Variants in PGAP6 observed in about 807,000 individuals in gnomAD.
PGAP6 encodes post-GPI attachment to proteins factor 6.
Under a neutral mutation model 68.4 loss-of-function variants are expected in PGAP6, and 62 were observed. The ratio of observed to expected loss-of-function variants is 0.91; its 90% CI spans 0.74 to 1.12. PGAP6 has a LOEUF of 1.12. Among genes scored for constraint, PGAP6 ranks in the 50% most tolerant of loss-of-function variants. The pLI is 0.00. For missense variants in PGAP6, 1,188 were observed against 1,068.5 expected (o/e 1.11, Z -1.56); for synonymous variants, 575 against 474.0 (o/e 1.21, Z -2.77).
chr16:372,557 A>G, intron 12 of PGAP6, 54 bp downstream of exon 12: 1 of 1,396,390 alleles, frequency 7.2e-7, no homozygotes, highest in Non-Finnish European at 1.0e-6. Context: ...GCAAGGGGCC[A>G]GGCTCTCTTC....
At position 375,397 on chromosome 16, in the gene PGAP6, C is replaced by T; in HGVS notation, c.1263G>A (p.Val421=). The T allele has an allele frequency of 6.2e-7, 1 of 1,612,944 alleles. No individual in the cohort carries two copies. The highest frequency in any genetic ancestry group is 8.5e-7 in the Non-Finnish European group (1 of 1,179,974). The change falls in exon 7 of 13, where the codon GTG becomes GTA. Residue 421 remains valine, a synonymous_variant. Transcript: ENST00000431232. ...AGCCAAGGAAGGGCGAGGCAGCATT[C>T]ACGCAGGCCACTACGACGGTCTCGT... ...MRNETVVVAC[V]NAASPFLGFN... is the part of the protein sequence containing the mutation.
Position 378,425 on chromosome 16 carries a change from C to A in PGAP6, c.122-577G>T, listed in dbSNP as rs78293508. 1.2e-3 allele frequency among the ~76,000 whole-genome samples: 69 copies of A among 59,590 alleles called. 10 individuals carry two copies. Among genetic ancestry groups the A allele is most frequent in the Non-Finnish European group, 1.6e-3 (45 of 28,778 alleles). The allele number at this position is 59,590 out of a possible 152,430, so 39.1% of individuals were successfully genotyped here. The stretch of plus-strand genomic sequence containing the variant: ...ACCCGCACTGCCATCGCCACCCACA[C>A]TGCCATCCCCACCCGCACTGCCATC... On this transcript the variant is annotated intron_variant, in intron 1 of 12. Transcript: ENST00000431232.
upstream of PGAP6, chr16:382,506 C>T (rs758484351): frequency 7.7e-5 from 28 of 361,526 alleles, no homozygotes; most frequent in Non-Finnish European, 1.3e-4. Flanking sequence ...CTTTTATGCA[C>T]AGACGAGAAG....
In PGAP6 at chr16:375,204, G is replaced by A; in HGVS notation, c.1368C>T (p.Asn456=). 1 of 1,613,424 alleles carries A rather than the reference G, an allele frequency of 6.2e-7. No homozygotes were observed. Among genetic ancestry groups the A allele is most frequent in the Non-Finnish European group, 8.5e-7 (1 of 1,179,974 alleles). Residue 456 remains asparagine, a synonymous_variant, in exon 8 of 13, where the codon AAC becomes AAT. Transcript: ENST00000431232. ...CTGTCTCTGGGTAGGGGATGATGAG[G>A]TTGGCCCTGCGAGACCAGGCGCTCA... ...LSLSAWSRRA[N]LIIPYPETDN...
In PGAP6 at chr16:380,904, C is replaced by A. The variant is rs2054431567; in HGVS notation, c.121+797G>T. ...GGACGTGTGGGAACTTCCAGCCGGCCAGAAAGGACACGGCCCCTCCAGAGT... is the reference window on the plus strand; with the variant it reads ...GGACGTGTGGGAACTTCCAGCCGGCAAGAAAGGACACGGCCCCTCCAGAGT... On this transcript the variant is annotated intron_variant, in intron 1 of 12. Coordinates refer to ENST00000431232, the MANE Select transcript of PGAP6 (RefSeq NM_021259.3). Among the ~76,000 whole-genome samples the A allele has an allele frequency of 3.9e-5, 6 of 152,324 alleles. No homozygotes were observed. The South Asian group carries it at 1.2e-3, about 32-fold the overall frequency.
At chr16:384,652 G>A (rs1206039967), upstream of PGAP6, among the ~76,000 whole-genome samples, 2 of 151,884 alleles carry the variant, frequency 1.3e-5, no homozygotes, top group Admixed American at 6.6e-5. Context: ...TCAGGAGATC[G>A]AGACCATCCT....
chr16:376,466 G>A lies in PGAP6; in HGVS notation c.905-11C>T, dbSNP rs2141760503. ...TCCGTGGCCTGCAAGCTGCCGAGAG[G>A]ACAAGGGGTTTGGCTGGAGGAAAGT... On this transcript the variant is annotated splice_polypyrimidine_tract_variant and intron_variant, in intron 5 of 12. Transcript: ENST00000431232. The A allele has an allele frequency of 2.6e-6, 4 of 1,556,492 alleles. No individual in the cohort carries two copies. Among genetic ancestry groups the A allele is most frequent in the East Asian group, 2.3e-5 (1 of 44,366 alleles).
At chr16:372,481 T>A in intron 12 of PGAP6, 130 bp downstream of exon 12, 2 of 969,766 alleles carry the variant, frequency 2.1e-6, no homozygotes, top group Non-Finnish European at 3.2e-6. Flanking sequence ...CCTCTGTGGG[T>A]GCCATGGCAA....
At position 374,888 on chromosome 16, in the gene PGAP6, A is replaced by G; in HGVS notation, c.1444T>C (p.Cys482Arg). The G allele has an allele frequency of 1.9e-6, 3 of 1,612,766 alleles. No homozygotes were observed. Among genetic ancestry groups the G allele is most frequent in the South Asian group, 1.1e-5 (1 of 91,076 alleles). ...QLMCPENAEDCEQAVVHVETT... is the reference protein window; with the variant it reads ...QLMCPENAEDREQAVVHVETT... Reference sequence around the variant, plus strand: ...TCCACGTGGACCACAGCCTGCTCACAGTCCCTTTGAGGAAGGGGCCACAGG... The same window carrying G: ...TCCACGTGGACCACAGCCTGCTCACGGTCCCTTTGAGGAAGGGGCCACAGG... The change falls in exon 9 of 13, where the codon TGT becomes CGT. Residue 482 changes from cysteine (C) to arginine (R), a missense_variant. By Grantham distance (180) the Cys-to-Arg change is radical. Coordinates refer to ENST00000431232, the MANE Select transcript of PGAP6 (RefSeq NM_021259.3).
upstream of PGAP6, chr16:382,065 GGGGAGGGGTCACGTGGGGCGCCGGTA>G: frequency 2.3e-6 from 1 of 439,690 alleles, no homozygotes; most frequent in Admixed American, 5.2e-5. Flanking sequence ...CGGACGCCGG[GGGGAGGGGTCACGTGGGGCGCCGGTA>G]GGGGGGAGGG....
At chr16:382,153 C>A (rs2141768952), upstream of PGAP6, 1 of 375,374 alleles carries the variant, frequency 2.7e-6, no homozygotes, top group East Asian at 3.7e-5. Flanking sequence ...TCCGGGGGGA[C>A]GCTGGAGGGA....
rs1480510043 is a variant in PGAP6 at position 375,141 on chromosome 16, C to A, written c.1431G>T (p.Glu477Asp). The A allele has an allele frequency of 2.5e-6, 4 of 1,613,334 alleles. No individual in the cohort carries two copies. Among genetic ancestry groups the A allele is most frequent in the Non-Finnish European group, 2.5e-6 (3 of 1,179,966 alleles). The change falls in exon 8 of 13, where the codon GAG becomes GAT. Residue 477 changes from glutamate to aspartate, a missense_variant. By Grantham distance (45) the Glu-to-Asp change is conservative (BLOSUM62 2). Coordinates refer to ENST00000431232, the MANE Select transcript of PGAP6 (RefSeq NM_021259.3). ...WYLSLQLMCPENAEDCEQAVV... is the reference protein window; with the variant it reads ...WYLSLQLMCPDNAEDCEQAVV... ...GCCCTAGGTTTACTTACTCAGCATTCTCAGGGCACATGAGCTGCAGGGAGA... is the reference window on the plus strand; with the variant it reads ...GCCCTAGGTTTACTTACTCAGCATTATCAGGGCACATGAGCTGCAGGGAGA...
rs1054810613 is a variant in PGAP6, at chr16:375,340, C to T, written c.1315+5G>A. 1 of 1,612,880 alleles carries T rather than the reference C, an allele frequency of 6.2e-7. No homozygotes were observed. The highest frequency in any genetic ancestry group is 8.5e-7 in the Non-Finnish European group (1 of 1,179,950). ...CACGCTGACGGTGACGCCTGCCCAT[C>T]ATACCTGTGGTGCAGTTGAGCGAAG... On this transcript the variant is annotated splice_donor_5th_base_variant and intron_variant, in intron 7 of 12. Transcript: ENST00000431232.
In PGAP6 at chr16:374,339, GC is replaced by G; in HGVS notation, c.1636del (p.Ala546ArgfsTer87). On this transcript the variant is annotated frameshift_variant, in exon 10 of 13. Transcript: ENST00000431232. LOFTEE classifies it high-confidence loss of function. ...GCTGAGCGTGAGCAGCAGTGTGGCC[GC>G]CCTCTGCTGGGCCACCGTCTGGGCT... Reference protein sequence around the residue: ...STAQTVAQQRAATLLLTLSNL... With the variant: ...STAQTVAQQRXATLLLTLSNL... 6.2e-7 allele frequency: 1 copy of G among 1,602,952 alleles called. No individual in the cohort carries two copies.
At position 374,080 on chromosome 16, in the gene PGAP6, G is replaced by C. The variant is rs374864682; in HGVS notation, c.1827C>G (p.Cys609Trp). ...CILSYDTLQY[C>W]DFLGSGAAIW... ...TGGCCGCCCCGGAGCCCAAGAAGTC[G>C]CAGTACTGCAGCGTGTCGTAGCTGA... Residue 609 changes from cysteine to tryptophan, a missense_variant, in exon 11 of 13, where the codon TGC becomes TGG. Coordinates refer to ENST00000431232, the MANE Select transcript of PGAP6 (RefSeq NM_021259.3). 1 of 1,611,948 alleles carries C rather than the reference G, an allele frequency of 6.2e-7. No homozygotes were observed. The highest frequency in any genetic ancestry group is 1.1e-5 in the South Asian group (1 of 91,086).
At chr16:377,898 G>A (rs1022367034) in intron 1 of PGAP6, 50 bp from the exon 2 acceptor site, 18 of 1,476,166 alleles carry the variant, frequency 1.2e-5, no homozygotes, top group East Asian at 4.9e-5. Context: ...CTCCAGGGCC[G>A]CAGATGGGGA....
rs1476171726 is a variant in PGAP6, at chr16:381,764, GC to G, written c.57del (p.Pro20ArgfsTer114). 3 of 1,199,924 alleles carry G rather than the reference GC, an allele frequency of 2.5e-6. No individual in the cohort carries two copies. The highest frequency in any genetic ancestry group is 2.1e-6 in the Non-Finnish European group (2 of 966,150). The allele number at this position is 1,199,924 out of a possible 1,614,324, so 74.3% of individuals were successfully genotyped here. A position where few individuals can be genotyped will look rare whatever the true frequency, so the allele number is the denominator to read the frequency against. ...GGEAVAAVVA[G>X]PLLLLLLARP... Reference sequence around the variant, plus strand: ...CGGGCAAGCAGCAGCAGCAGCAGCGGCCCCGCCACCACCGCGGCCACCGCCT... The same window carrying G: ...CGGGCAAGCAGCAGCAGCAGCAGCGGCCCGCCACCACCGCGGCCACCGCCT... On this transcript the variant is annotated frameshift_variant, in exon 1 of 13. Coordinates refer to ENST00000431232, the MANE Select transcript of PGAP6 (RefSeq NM_021259.3). LOFTEE classifies it high-confidence loss of function.
upstream of PGAP6, among the ~76,000 whole-genome samples, chr16:383,764 A>G (rs374425236): frequency 4.6e-5 from 7 of 152,182 alleles, no homozygotes; most frequent in African/African-American, 1.7e-4. Context: ...ACCTTGGAGG[A>G]GGAGAGGCGG....
chr16:378,315 C>G (rs1358087271), intron 1 of PGAP6, among the ~76,000 whole-genome samples: 300 of 120,092 alleles, frequency 2.5e-3, no homozygotes, highest in Non-Finnish European at 2.8e-3. Flanking sequence ...TCGCCACCCG[C>G]ACTGCCATCG....
Sources: allele counts gnomAD v4.1 joint callset (sites outside exome capture counted in the v4.1 genomes callset), GRCh38; gene constraint gnomAD v4.1.1; transcripts MANE v1.5; gene names NCBI Gene and HGNC (gene_info 2026-07-23, HGNC 2026-07-21).